Variants in NSD1 observed in about 807,000 individuals in gnomAD.
The protein encoded by NSD1 is nuclear receptor binding SET domain protein 1, also known as histone-lysine N-methyltransferase, H3 lysine-36 specific.
A neutral mutation model predicts 242.7 loss-of-function variants in NSD1; 26 were observed. That is an observed-to-expected ratio of 0.11 (90% CI 0.08 to 0.15). The LOEUF (loss-of-function observed/expected upper bound fraction) is 0.15. Among genes scored for constraint, NSD1 ranks in the 10% least tolerant of loss-of-function variants. The pLI is 1.00. For missense variants in NSD1, 2,495 were observed against 3,272.8 expected (o/e 0.76, Z 5.80); for synonymous variants, 1,106 against 1,178.1 (o/e 0.94, Z 1.25).
At chr5:177,200,483 TA>T (rs1290804601) in intron 3 of NSD1, among the ~76,000 whole-genome samples, 1 of 152,190 alleles carries the variant, frequency 6.6e-6, no homozygotes, top group African/African-American at 2.4e-5. Flanking sequence ...TTAAGTATAT[TA>T]ACATTGTTGT....
chr5:177,187,439 T>C (rs1400697503), intron 2 of NSD1, among the ~76,000 whole-genome samples: 1 of 152,150 alleles, frequency 6.6e-6, no homozygotes, highest in Non-Finnish European at 1.5e-5. Flanking sequence ...AGTTTCTTTA[T>C]CTGCAAAATC....
intron 2 of NSD1, among the ~76,000 whole-genome samples, chr5:177,148,177 G>A (rs756453626): frequency 6.6e-6 from 1 of 151,550 alleles, no homozygotes; most frequent in Non-Finnish European, 1.5e-5. Flanking sequence ...GAGTGCAATT[G>A]CGCGATCTTG....
intron 2 of NSD1, among the ~76,000 whole-genome samples, chr5:177,180,230 G>A (rs1482317252): frequency 1.3e-5 from 2 of 152,016 alleles, no homozygotes; most frequent in South Asian, 2.1e-4. Context: ...AAGTAGCTGC[G>A]ATTACAGGCA....
At chr5:177,252,696 C>T (rs926379344) in intron 12 of NSD1, among the ~76,000 whole-genome samples, 1 of 151,302 alleles carries the variant, frequency 6.6e-6, no homozygotes, top group South Asian at 2.1e-4. Context: ...GGACTGCAAC[C>T]ACTTGCCACC....
At chr5:177,271,420 C>A (rs1338072818) in intron 16 of NSD1, among the ~76,000 whole-genome samples, 1 of 152,094 alleles carries the variant, frequency 6.6e-6, no homozygotes, top group African/African-American at 2.4e-5. Flanking sequence ...GGATACCATC[C>A]TGATCTTGCA....
intron 2 of NSD1, among the ~76,000 whole-genome samples, chr5:177,153,674 C>T (rs531390504): frequency 8.6e-5 from 13 of 152,008 alleles, no homozygotes; most frequent in African/African-American, 2.7e-4. Flanking sequence ...TCTGTGTTTT[C>T]GAGTGATTTA....
At chr5:177,159,424 A>C (rs1194987992) in intron 2 of NSD1, among the ~76,000 whole-genome samples, 1 of 151,588 alleles carries the variant, frequency 6.6e-6, no homozygotes, top group Non-Finnish European at 1.5e-5. Flanking sequence ...CTAGGATTAC[A>C]GGTGTGTGAC....
At chr5:177,206,919 C>T (rs192447685) in intron 4 of NSD1, among the ~76,000 whole-genome samples, 57 of 151,056 alleles carry the variant, frequency 3.8e-4, no homozygotes, top group Admixed American at 3.8e-3. Context: ...GAGGAGGCTA[C>T]TCCTCTAGTT....
In NSD1 at chr5:177,217,666, CT is replaced by C. The variant is rs543853335; in HGVS notation, c.3796+5489del. ...TTTTGTTTTTGGACAGCGTCACATTCTTTTTTTTTTTTTTTTTTGAGACAGA... is the reference window on the plus strand; with the variant it reads ...TTTTGTTTTTGGACAGCGTCACATTCTTTTTTTTTTTTTTTTTGAGACAGA... On this transcript the variant is annotated intron_variant, in intron 5 of 22. Transcript: ENST00000439151. Among the ~76,000 whole-genome samples, 109 of 106,228 alleles carry C rather than the reference CT, an allele frequency of 1.0e-3. No homozygotes were observed. In the Middle Eastern group the frequency reaches 0.015, roughly 14 times the overall value. 69.7% of individuals were successfully genotyped at this position (106,228 alleles called of 152,430 possible).
At chr5:177,267,435 G>A (rs1757583021) in intron 14 of NSD1, 127 bp from the exon 15 acceptor site, 2 of 810,334 alleles carry the variant, frequency 2.5e-6, no homozygotes, top group Non-Finnish European at 4.1e-6. Flanking sequence ...ATGTGTCACT[G>A]ATAATGTTTT....
intron 9 of NSD1, among the ~76,000 whole-genome samples, chr5:177,245,510 GTTAACTAGCACA>G (rs1158685582): frequency 1.3e-5 from 2 of 152,120 alleles, no homozygotes; most frequent in Admixed American, 6.5e-5. Context: ...CTTTCATACT[GTTAACTAGCACA>G]GATATCCTAA....
rs1292809269 is a variant in NSD1 at position 177,298,517 on chromosome 5, C to A, written c.*3058C>A. ...AATAGCAAAATAGCTGTCATTGATA[C>A]AGAAACATCCTCATTTTTAAATGTC... On this transcript the variant is annotated 3_prime_UTR_variant, in exon 23 of 23. Coordinates refer to ENST00000439151, the MANE Select transcript of NSD1 (RefSeq NM_022455.5). 1 of 233,194 alleles carries A rather than the reference C, an allele frequency of 4.3e-6. No individual in the cohort carries two copies. The highest frequency in any genetic ancestry group is 2.2e-5 in the African/African-American group (1 of 45,350). The allele number at this position is 233,194 out of a possible 1,614,324, so 14.4% of individuals were successfully genotyped here.
At chr5:177,168,372 G>A (rs1193665550) in intron 2 of NSD1, among the ~76,000 whole-genome samples, 2 of 151,446 alleles carry the variant, frequency 1.3e-5, no homozygotes, top group Non-Finnish European at 2.9e-5. Context: ...AATTTGAGAA[G>A]CATCTATCTG....
rs764710462 is a variant in NSD1, at chr5:177,291,950, G to T, written c.6259-4G>T. 5 of 1,613,228 alleles carry T rather than the reference G, an allele frequency of 3.1e-6. No individual in the cohort carries two copies. Among genetic ancestry groups the T allele is most frequent in the East Asian group, 2.2e-5 (1 of 44,880 alleles). On this transcript the variant is annotated splice_polypyrimidine_tract_variant and splice_region_variant and intron_variant, in intron 21 of 22. Coordinates refer to ENST00000439151, the MANE Select transcript of NSD1 (RefSeq NM_022455.5). ...ATGCTGACTGTTCAATATCTGACCT[G>T]TAGAATCAACCCATTGCCACGGAAG...
intron 20 of NSD1, chr5:177,288,406 A>C (rs1759506458): frequency 3.9e-6 from 1 of 257,400 alleles, no homozygotes; most frequent in African/African-American, 2.3e-5. Flanking sequence ...GCCTCTCCAG[A>C]GTGCTGCCAG....
At position 177,292,103 on chromosome 5, in the gene NSD1, A is replaced by G. The variant is rs771993179; in HGVS notation, c.6408A>G (p.Pro2136=). The G allele has an allele frequency of 2.5e-5, 41 of 1,614,062 alleles. No homozygotes were observed. The highest frequency in any genetic ancestry group is 3.3e-4 in the Middle Eastern group (2 of 6,080). The part of the protein sequence containing the change: ...DAGQLVSCKK[P]GCPKVYHADC... ...GCCAGCTCGTCTCCTGCAAGAAACC[A>G]GGCTGCCCAAAAGTTTACCACGCAG... The change falls in exon 22 of 23, where the codon CCA becomes CCG. Residue 2136 remains proline (P), a synonymous_variant. Coordinates refer to ENST00000439151, the MANE Select transcript of NSD1 (RefSeq NM_022455.5).
chr5:177,135,174 C>T lies in NSD1; in HGVS notation c.71C>T (p.Ala24Val), dbSNP rs1756207893. Reference sequence around the variant, plus strand: ...TTTTCCAATCCAGTGAATTTAGATGCCCCTGAAGACAAGGACAGCCCTTTC... The same window carrying T: ...TTTTCCAATCCAGTGAATTTAGATGTCCCTGAAGACAAGGACAGCCCTTTC... ...LPFSNPVNLD[A>V]PEDKDSPFGN... The change falls in exon 2 of 23, where the codon GCC (alanine) becomes GTC (valine). Residue 24 changes from alanine (A) to valine (V), a missense_variant. Ala to Val is a moderately conservative substitution (Grantham distance 64). This residue lies in a region of NSD1 where 376 missense variants were observed against 367.4 expected (regional missense o/e 1.02). Coordinates refer to ENST00000439151, the MANE Select transcript of NSD1 (RefSeq NM_022455.5). 5 of 1,614,018 alleles carry T rather than the reference C, an allele frequency of 3.1e-6. No individual in the cohort carries two copies. The highest frequency in any genetic ancestry group is 4.2e-6 in the Non-Finnish European group (5 of 1,180,014).
Position 177,295,234 on chromosome 5 carries a change from A to T in NSD1, c.7866A>T (p.Gln2622His). ...TEEKKLVTTE[Q>H]SPWALGKASS... is the part of the protein sequence containing the mutation. Reference sequence around the variant, plus strand: ...AAAAGAAGTTGGTAACCACAGAGCAAAGTCCCTGGGCCCTGGGAAAAGCCT... The same window carrying T: ...AAAAGAAGTTGGTAACCACAGAGCATAGTCCCTGGGCCCTGGGAAAAGCCT... The change falls in exon 23 of 23, where the codon CAA becomes CAT. Residue 2622 changes from glutamine to histidine, a missense_variant. Coordinates refer to ENST00000439151, the MANE Select transcript of NSD1 (RefSeq NM_022455.5). The surrounding 1 kb of genome is among the most constrained non-coding windows in gnomAD (Gnocchi z 4.3). 1 of 1,614,224 alleles carries T rather than the reference A, an allele frequency of 6.2e-7. No homozygotes were observed. The highest frequency in any genetic ancestry group is 2.2e-5 in the East Asian group (1 of 44,884).
intron 13 of NSD1, among the ~76,000 whole-genome samples, chr5:177,257,564 CA>C (rs976104796): frequency 2.0e-5 from 3 of 152,004 alleles, no homozygotes; most frequent in African/African-American, 7.2e-5. Context: ...ATCAATCCAC[CA>C]TGTCACTTTA....
Sources: gnomAD v4.1 joint callset for allele counts (sites outside exome capture counted in the v4.1 genomes callset) on GRCh38, gnomAD v4.1.1 for gene constraint, gnomAD v4.1.1 regional missense constraint, Gnocchi (gnomAD v3.1) non-coding constraint, MANE v1.5 for transcripts, NCBI Gene and HGNC (gene_info 2026-07-23, HGNC 2026-07-21) for gene names.